Variants in FAM13A observed in about 807,000 individuals in gnomAD.
FAM13A encodes protein FAM13A.
Under a neutral mutation model 129.6 loss-of-function variants are expected in FAM13A, and 76 were observed. The observed-to-expected ratio is 0.59, with a 90% CI of 0.49 to 0.71. The LOEUF is 0.71. Among genes scored for constraint, FAM13A ranks in the 30% least tolerant of loss-of-function variants. The probability of loss-of-function intolerance (pLI) is 0.00; values close to 1 mark genes in which losing one functional copy is unlikely to be tolerated. For missense variants in FAM13A, 1,108 were observed against 1,249.3 expected, an observed-to-expected ratio of 0.89 and a Z score of 1.70; for synonymous variants, 443 against 449.9, an observed-to-expected ratio of 0.98 and a Z score of 0.20.
intron 3 of FAM13A, among the ~76,000 whole-genome samples, chr4:89,018,289 A>G (rs10001420): frequency 0.1 from 15,947 of 152,288 alleles, 907 homozygotes; most frequent in African/African-American, 0.14. Context: ...GAGAGTGCAC[A>G]CAGAGAAAAG....
At chr4:89,046,702 T>C (rs1770904028) in intron 1 of FAM13A, among the ~76,000 whole-genome samples, 1 of 152,050 alleles carries the variant, frequency 6.6e-6, no homozygotes, top group South Asian at 2.1e-4. Flanking sequence ...AATACAAAAA[T>C]TAGCCGGGTG....
At chr4:88,743,712 G>A (rs1740707667) in intron 19 of FAM13A, among the ~76,000 whole-genome samples, 1 of 152,120 alleles carries the variant, frequency 6.6e-6, no homozygotes, top group Admixed American at 6.5e-5. Flanking sequence ...TTCTCTAATA[G>A]GGTTTCGCCA....
intron 14 of FAM13A, 118 bp from the exon 15 acceptor site, chr4:88,750,755 T>C (rs1309667713): frequency 2.8e-6 from 2 of 720,058 alleles, no homozygotes; most frequent in Admixed American, 2.6e-5. Flanking sequence ...ATTGAATCGT[T>C]TCTCATTTTA....
chr4:88,834,092 T>C (rs1404378030), intron 7 of FAM13A, among the ~76,000 whole-genome samples: 1 of 147,022 alleles, frequency 6.8e-6, no homozygotes, highest in East Asian at 2.0e-4. Context: ...TACTTTTTTT[T>C]GTAGAGATAA....
chr4:88,738,915 T>A (rs1280342521), intron 20 of FAM13A, 115 bp downstream of exon 20: 1 of 699,206 alleles, frequency 1.4e-6, no homozygotes, highest in African/African-American at 1.8e-5. Flanking sequence ...AATGGCTGAT[T>A]CAGCAATTAA....
At chr4:88,978,410 T>C (rs1579595403) in intron 4 of FAM13A, among the ~76,000 whole-genome samples, 2 of 152,156 alleles carry the variant, frequency 1.3e-5, no homozygotes, top group Non-Finnish European at 2.9e-5. Context: ...TATACAAAAA[T>C]TCCTGGCTGT....
chr4:88,850,257 A>G (rs1006825256), intron 7 of FAM13A, among the ~76,000 whole-genome samples: 9 of 152,144 alleles, frequency 5.9e-5, no homozygotes, highest in African/African-American at 2.2e-4. Flanking sequence ...AAATTTACCT[A>G]TTTTAAGAAA....
At chr4:88,842,777 A>C (rs1736043717) in intron 7 of FAM13A, among the ~76,000 whole-genome samples, 2 of 152,194 alleles carry the variant, frequency 1.3e-5, no homozygotes, top group Non-Finnish European at 2.9e-5. Flanking sequence ...CTTATCTACC[A>C]TTTCATCAAC....
At chr4:88,883,209 T>C (rs996571781) in intron 6 of FAM13A, among the ~76,000 whole-genome samples, 1 of 152,082 alleles carries the variant, frequency 6.6e-6, no homozygotes, top group Non-Finnish European at 1.5e-5. Context: ...CTAGAGAATA[T>C]ACATTCTATT....
chr4:88,760,591 G>C (rs1744609405), intron 13 of FAM13A, among the ~76,000 whole-genome samples: 1 of 12,640 alleles, frequency 7.9e-5, no homozygotes, highest in African/African-American at 1.5e-4. Context: ...GCGACAGAGC[G>C]AGACTCCGTC....
chr4:88,868,900 C>T (rs1740894846), intron 6 of FAM13A, among the ~76,000 whole-genome samples: 1 of 152,182 alleles, frequency 6.6e-6, no homozygotes, highest in Admixed American at 6.5e-5. Flanking sequence ...CATCCATACA[C>T]CAATAATTCT....
intron 1 of FAM13A, among the ~76,000 whole-genome samples, chr4:89,040,161 T>C (rs1264696032): frequency 6.6e-6 from 1 of 152,182 alleles, no homozygotes; most frequent in African/African-American, 2.4e-5. Context: ...TGCAATGTAA[T>C]GATGTCTTCA....
intron 11 of FAM13A, among the ~76,000 whole-genome samples, chr4:88,778,516 C>G (rs999135642): frequency 2.6e-5 from 4 of 152,204 alleles, no homozygotes; most frequent in Non-Finnish European, 4.4e-5. Context: ...GAACAGTGCT[C>G]TCTAGATCAG....
chr4:89,043,383 TG>T (rs1336920343), intron 1 of FAM13A, among the ~76,000 whole-genome samples: 1 of 152,064 alleles, frequency 6.6e-6, no homozygotes, highest in Non-Finnish European at 1.5e-5. Context: ...AAAGGAGAGA[TG>T]GGCAAACAGA....
intron 7 of FAM13A, among the ~76,000 whole-genome samples, chr4:88,834,653 TAAAAC>T (rs1362982202): frequency 6.6e-6 from 1 of 152,178 alleles, no homozygotes; most frequent in African/African-American, 2.4e-5. Context: ...AAGACAACTT[TAAAAC>T]AAATCAATCC....
intron 4 of FAM13A, among the ~76,000 whole-genome samples, chr4:88,954,619 C>T (rs1385914538): frequency 6.6e-6 from 1 of 152,192 alleles, no homozygotes; most frequent in Non-Finnish European, 1.5e-5. Context: ...AGTGCTGGCT[C>T]ATGCCTGTAA....
At chr4:88,735,544 A>G (rs1738810884) in intron 21 of FAM13A, among the ~76,000 whole-genome samples, 1 of 152,138 alleles carries the variant, frequency 6.6e-6, no homozygotes, top group Non-Finnish European at 1.5e-5. Context: ...TTTGGGTTGG[A>G]AAATCTAGGC....
At chr4:88,913,199 G>C (rs536919012) in intron 5 of FAM13A, among the ~76,000 whole-genome samples, 1 of 128,876 alleles carries the variant, frequency 7.8e-6, no homozygotes, top group Admixed American at 8.0e-5. Context: ...GGAAGAGGAA[G>C]AGGAAGAAGA....
chr4:88,859,628 T>C (rs1428419275), intron 6 of FAM13A, among the ~76,000 whole-genome samples: 1 of 152,056 alleles, frequency 6.6e-6, no homozygotes, highest in Non-Finnish European at 1.5e-5. Context: ...CATGAAGGGC[T>C]TGAGGGGAAG....
Sources: allele counts gnomAD v4.1 joint callset (sites outside exome capture counted in the v4.1 genomes callset), GRCh38; gene constraint gnomAD v4.1.1; transcripts MANE v1.5; gene names NCBI Gene and HGNC (gene_info 2026-07-23, HGNC 2026-07-21).